Variants in SH3BP5 observed in about 807,000 individuals in gnomAD.
SH3BP5 encodes the protein SH3 domain binding protein 5, also known as SH3 domain-binding protein 5.
SH3BP5 carries 22 observed loss-of-function variants against 43.3 expected under a neutral mutation model. That is an observed-to-expected ratio of 0.51 (90% CI 0.36 to 0.73). SH3BP5 has a LOEUF of 0.73. Among genes scored for constraint, SH3BP5 ranks in the 30% least tolerant of loss-of-function variants. SH3BP5 has a pLI of 0.00. For synonymous variants in SH3BP5, 255 were observed against 225.8 expected, an observed-to-expected ratio of 1.13 and a Z score of -1.16; for missense variants, 529 against 586.9, an observed-to-expected ratio of 0.90 and a Z score of 1.02.
At position 15,257,107 on chromosome 3, in the gene SH3BP5, G is replaced by A. The variant is rs1212212489; in HGVS notation, c.896C>T (p.Ser299Leu). 21 of 1,613,512 alleles carry A rather than the reference G, an allele frequency of 1.3e-5. No individual in the cohort carries two copies. Among genetic ancestry groups the A allele is most frequent in the Non-Finnish European group, 1.6e-5 (19 of 1,179,654 alleles). ...KPEPDAISVASEAFEDDSCSN... is the reference protein window; with the variant it reads ...KPEPDAISVALEAFEDDSCSN... Reference sequence around the variant, plus strand: ...ACAGCTGTCATCTTCAAAGGCCTCCGAGGCCACTAAGTTGAGAGAGAACAC... The same window carrying A: ...ACAGCTGTCATCTTCAAAGGCCTCCAAGGCCACTAAGTTGAGAGAGAACAC... The change falls in exon 8 of 9, where the codon TCG becomes TTG. Residue 299 changes from serine (S) to leucine (L), a missense_variant. By Grantham distance (145) the Ser-to-Leu change is moderately radical. Coordinates refer to ENST00000383791, the MANE Select transcript of SH3BP5 (RefSeq NM_004844.5).
intron 2 of SH3BP5, among the ~76,000 whole-genome samples, chr3:15,310,623 C>T (rs1698030945): frequency 6.6e-6 from 1 of 152,142 alleles, no homozygotes; most frequent in Non-Finnish European, 1.5e-5. Flanking sequence ...GCAAGCAGAT[C>T]TTCCACCAGT....
chr3:15,337,901 T>G (rs1575363526), intron 1 of SH3BP5, among the ~76,000 whole-genome samples: 4 of 107,208 alleles, frequency 3.7e-5, no homozygotes, highest in East Asian at 2.6e-4. Context: ...GGTGACAGAG[T>G]GAGACCCTGA....
Position 15,256,576 on chromosome 3 carries a change from T to C in SH3BP5, c.1151-273A>G, listed in dbSNP as rs115314083. 4.0e-4 allele frequency: 236 copies of C among 593,254 alleles called. 2 individuals are homozygous for C. In the African/African-American group the frequency reaches 4.1e-3, roughly 10 times the overall value. The allele number at this position is 593,254 out of a possible 1,614,324, so 36.7% of individuals were successfully genotyped here. Reference sequence around the variant, plus strand: ...AAATTTGCCATATTCACTTTATTGCTGAGAAACAAACCTCTCTACTATGTG... The same window carrying C: ...AAATTTGCCATATTCACTTTATTGCCGAGAAACAAACCTCTCTACTATGTG... On this transcript the variant is annotated intron_variant, in intron 8 of 8. Transcript: ENST00000383791.
intron 3 of SH3BP5, among the ~76,000 whole-genome samples, chr3:15,296,754 T>C (rs1158616492): frequency 7.1e-6 from 1 of 139,974 alleles, no homozygotes; most frequent in Non-Finnish European, 1.5e-5. Context: ...AGCGCAGTGG[T>C]GCGATCACAG....
At chr3:15,281,789 G>T (rs1697137140) in intron 3 of SH3BP5, among the ~76,000 whole-genome samples, 1 of 152,122 alleles carries the variant, frequency 6.6e-6, no homozygotes, top group Admixed American at 6.5e-5. Context: ...GATTACATGA[G>T]ATCAGGAGGT....
chr3:15,332,363 T>C lies in SH3BP5; in HGVS notation c.46A>G (p.Ile16Val), dbSNP rs981927379. The change falls in exon 1 of 9, where the codon ATC becomes GTC. Residue 16 changes from isoleucine to valine, a missense_variant. Physicochemically the swap from Ile to Val is conservative, Grantham distance 29. This residue lies in a region of SH3BP5 where 75 missense variants were observed against 61.8 expected (regional missense o/e 1.21). Coordinates refer to ENST00000383791, the MANE Select transcript of SH3BP5 (RefSeq NM_004844.5). ...KRSRSEEPAE[I>V]LPPARDEEEE... ...TCCTCGTCCCGGGCAGGCGGCAGGA[T>C]TTCGGCTGGCTCCTCCGAGCGGCTC... 1.3e-6 allele frequency: 2 copies of C among 1,540,408 alleles called. No individual in the cohort carries two copies. The highest frequency in any genetic ancestry group is 2.7e-5 in the African/African-American group (2 of 73,120).
chr3:15,286,747 C>T (rs1697275942), intron 3 of SH3BP5, among the ~76,000 whole-genome samples: 2 of 152,056 alleles, frequency 1.3e-5, no homozygotes, highest in South Asian at 4.1e-4. Context: ...GGTTTTGCCA[C>T]GTTGCCCAGG....
chr3:15,268,395 A>G (rs917322871), intron 4 of SH3BP5, among the ~76,000 whole-genome samples: 4 of 151,848 alleles, frequency 2.6e-5, no homozygotes, highest in Admixed American at 2.6e-4. Flanking sequence ...AGTCACCAAG[A>G]CCTCTTGCAA....
intron 2 of SH3BP5, among the ~76,000 whole-genome samples, chr3:15,305,946 T>C (rs2125114140): frequency 6.6e-6 from 1 of 151,956 alleles, no homozygotes; most frequent in East Asian, 1.9e-4. Context: ...GAGGACCTAT[T>C]GGAAGGGATC....
At chr3:15,296,339 T>TAC (rs571693138) in intron 3 of SH3BP5, among the ~76,000 whole-genome samples, 226 of 126,556 alleles carry the variant, frequency 1.8e-3, no homozygotes, top group African/African-American at 8.9e-3. Context: ...GGGGAAATCA[T>TAC]ATACACACAC....
chr3:15,338,891 C>A (rs1698732255), intron 1 of SH3BP5, among the ~76,000 whole-genome samples: 2 of 152,150 alleles, frequency 1.3e-5, no homozygotes, highest in South Asian at 2.1e-4. Flanking sequence ...CCACTTACAC[C>A]TGGCAGGCCA....
chr3:15,305,141 A>G (rs1338977017), intron 2 of SH3BP5, among the ~76,000 whole-genome samples: 1 of 152,058 alleles, frequency 6.6e-6, no homozygotes, highest in Non-Finnish European at 1.5e-5. Context: ...TTAATTCATT[A>G]TATTTAAAAT....
intron 3 of SH3BP5, among the ~76,000 whole-genome samples, chr3:15,292,320 C>T (rs77839364): frequency 6.6e-6 from 1 of 152,318 alleles, no homozygotes; most frequent in East Asian, 1.9e-4. Context: ...ACAGAGAACA[C>T]TGCCTGCCCA....
chr3:15,294,325 G>GTGTGTGTA lies in SH3BP5; in HGVS notation c.330+9777_330+9778insTACACACA, dbSNP rs561289765. Among the ~76,000 whole-genome samples, 58 of 142,930 alleles carry GTGTGTGTA rather than the reference G, an allele frequency of 4.1e-4. 3 individuals carry two copies. Among genetic ancestry groups the GTGTGTGTA allele is most frequent in the African/African-American group, 1.3e-3 (46 of 35,070 alleles). 93.8% of individuals were successfully genotyped at this position (142,930 alleles called of 152,430 possible). On this transcript the variant is annotated intron_variant, in intron 3 of 8. Coordinates refer to ENST00000383791, the MANE Select transcript of SH3BP5 (RefSeq NM_004844.5). The stretch of plus-strand genomic sequence containing the variant: ...TGTGTGTGTGTGTGTGTGTGTGTGT[G>GTGTGTGTA]TGTGTGCGCGCGCATGTTTACGTAA...
chr3:15,322,617 T>C (rs1011911641), intron 2 of SH3BP5, among the ~76,000 whole-genome samples: 1 of 151,126 alleles, frequency 6.6e-6, no homozygotes, highest in Non-Finnish European at 1.5e-5. Context: ...GCAGGAGGAC[T>C]GCTTGAGCCC....
At chr3:15,316,688 T>C (rs2125128477) in intron 2 of SH3BP5, among the ~76,000 whole-genome samples, 1 of 152,098 alleles carries the variant, frequency 6.6e-6, no homozygotes, top group South Asian at 2.1e-4. Context: ...TCGAATTTTT[T>C]TATGATATGA....
intron 1 of SH3BP5, 42 bp downstream of exon 1, chr3:15,332,229 C>G: frequency 6.5e-7 from 1 of 1,549,750 alleles, no homozygotes; most frequent in Non-Finnish European, 8.7e-7. Flanking sequence ...TCCGTAGCAG[C>G]CCTCGCGAAG....
chr3:15,332,480 GC>G lies in SH3BP5; in HGVS notation c.-73del. ...GGGGGTCGCGGCTGCCACAGGCTGG[GC>G]TGGAGCCGCCTCGCCACAGCCGGGC... On this transcript the variant is annotated 5_prime_UTR_variant, in exon 1 of 9. Transcript: ENST00000383791. 1.5e-6 allele frequency: 2 copies of G among 1,374,602 alleles called. No individual in the cohort carries two copies. Among genetic ancestry groups the G allele is most frequent in the Non-Finnish European group, 1.9e-6 (2 of 1,072,512 alleles). 85.2% of individuals were successfully genotyped at this position (1,374,602 alleles called of 1,614,324 possible).
chr3:15,300,763 T>C (rs1036058736), intron 3 of SH3BP5, among the ~76,000 whole-genome samples: 1 of 152,058 alleles, frequency 6.6e-6, no homozygotes, highest in African/African-American at 2.4e-5. Context: ...AGATTAGGAA[T>C]CTAACCTTTT....
Sources: gnomAD v4.1 joint callset for allele counts (sites outside exome capture counted in the v4.1 genomes callset) on GRCh38, gnomAD v4.1.1 for gene constraint, gnomAD v4.1.1 regional missense constraint, MANE v1.5 for transcripts, NCBI Gene and HGNC (gene_info 2026-07-23, HGNC 2026-07-21) for gene names.